The following LRRC8C variants were observed in gnomAD, a reference collection of about 807,000 sequenced individuals.
The protein encoded by LRRC8C is volume-regulated anion channel subunit LRRC8C.
Under a neutral mutation model 55.3 loss-of-function variants are expected in LRRC8C, and 20 were observed. The ratio of observed to expected loss-of-function variants is 0.36; its 90% confidence interval spans 0.25 to 0.53. The LOEUF is 0.53. LRRC8C is among the 20% of genes least tolerant of loss of function. LRRC8C has a pLI of 0.92. For synonymous variants in LRRC8C, 376 were observed against 360.7 expected (o/e 1.04, Z -0.48); for missense variants, 659 against 951.4 (o/e 0.69, Z 4.04).
intron 1 of LRRC8C, among the ~76,000 whole-genome samples, chr1:89,649,432 C>G (rs1465921001): frequency 1.3e-5 from 2 of 152,112 alleles, no homozygotes; most frequent in Non-Finnish European, 2.9e-5. Context: ...GTTCTTGTTC[C>G]TTATCCCTAG....
chr1:89,643,307 T>C (rs1656520560), intron 1 of LRRC8C, among the ~76,000 whole-genome samples: 2 of 152,172 alleles, frequency 1.3e-5, no homozygotes, highest in African/African-American at 4.8e-5. Flanking sequence ...GTTCTCAAAC[T>C]CCAGAGCTCA....
At position 89,719,259 on chromosome 1, in the gene LRRC8C, A is replaced by G. The variant is rs1022754685; in HGVS notation, c.*4277A>G. 6.6e-6 allele frequency: 1 copy of G among 152,162 alleles called. No homozygotes were observed. The highest frequency in any genetic ancestry group is 1.5e-5 in the Non-Finnish European group (1 of 68,038). 9.4% of individuals were successfully genotyped at this position (152,162 alleles called of 1,614,324 possible). ...GAGGTAAATTTGTTTCTTTCTTCAG[A>G]ATACCTCTCTCCACCCCCCACCTTA... On this transcript the variant is annotated 3_prime_UTR_variant, in exon 3 of 3. Coordinates refer to ENST00000370454, the MANE Select transcript of LRRC8C (RefSeq NM_032270.5).
intron 1 of LRRC8C, among the ~76,000 whole-genome samples, chr1:89,665,514 TATA>T (rs1657235160): frequency 6.6e-6 from 1 of 152,132 alleles, no homozygotes; most frequent in Non-Finnish European, 1.5e-5. Context: ...AAAAGCAAAA[TATA>T]ATAATTTAAT....
the LRRC8C span, among the ~76,000 whole-genome samples, chr1:89,620,597 A>T: frequency 7.3e-6 from 1 of 137,178 alleles, no homozygotes; most frequent in Non-Finnish European, 1.6e-5. Flanking sequence ...AAAAAAAAAA[A>T]ATAGGCGATT....
rs528168383 is a variant in LRRC8C, at chr1:89,681,879, C to T, written c.-4-4591C>T. On this transcript the variant is annotated intron_variant, in intron 1 of 2. Transcript: ENST00000370454. ...AGACATGTAGACATACATGCACATA[C>T]GCATTTACTCAAAAAAATTTAAATG... Among the ~76,000 whole-genome samples, 159 of 152,218 alleles carry T rather than the reference C, an allele frequency of 1.0e-3. 1 individual carries two copies. Among genetic ancestry groups the T allele is most frequent in the African/African-American group, 3.3e-3 (139 of 41,532 alleles).
At chr1:89,630,623 T>G (rs1656082938), upstream of LRRC8C, among the ~76,000 whole-genome samples, 1 of 152,258 alleles carries the variant, frequency 6.6e-6, no homozygotes, top group African/African-American at 2.4e-5. Context: ...GGAGATGTGC[T>G]GAACTTCAAG....
intron 2 of LRRC8C, among the ~76,000 whole-genome samples, chr1:89,688,670 CAGA>C (rs1168120257): frequency 6.6e-6 from 1 of 152,174 alleles, no homozygotes; most frequent in Non-Finnish European, 1.5e-5. Flanking sequence ...TCCTTTTCTG[CAGA>C]AGAATTGGAT....
At chr1:89,640,245 A>G (rs1656417055) in intron 1 of LRRC8C, among the ~76,000 whole-genome samples, 1 of 152,158 alleles carries the variant, frequency 6.6e-6, no homozygotes. Context: ...TTGTATTTTT[A>G]GTAGAGACAC....
chr1:89,620,103 G>T, the LRRC8C span, among the ~76,000 whole-genome samples: 1 of 152,270 alleles, frequency 6.6e-6, no homozygotes, highest in Non-Finnish European at 1.5e-5. Context: ...GGCTGGTAAG[G>T]GCTTCTCTGC....
intron 2 of LRRC8C, among the ~76,000 whole-genome samples, chr1:89,689,118 C>CTAATCTG (rs1426664644): frequency 1.3e-5 from 2 of 152,158 alleles, no homozygotes; most frequent in Non-Finnish European, 2.9e-5. Flanking sequence ...GCTGGTGACT[C>CTAATCTG]TAATCTGTGT....
At chr1:89,691,553 G>A (rs1412591673) in intron 2 of LRRC8C, among the ~76,000 whole-genome samples, 1 of 152,176 alleles carries the variant, frequency 6.6e-6, no homozygotes, top group Non-Finnish European at 1.5e-5. Flanking sequence ...AGTAACACTG[G>A]CAAGAGAACC....
chr1:89,665,104 A>G (rs957352059), intron 1 of LRRC8C, among the ~76,000 whole-genome samples: 1 of 152,264 alleles, frequency 6.6e-6, no homozygotes, highest in East Asian at 1.9e-4. Flanking sequence ...CTCTCTTCCT[A>G]TTTGAATATC....
At chr1:89,680,191 T>C (rs1003069280) in intron 1 of LRRC8C, among the ~76,000 whole-genome samples, 4 of 151,854 alleles carry the variant, frequency 2.6e-5, no homozygotes, top group South Asian at 2.1e-4. Context: ...CATTCTCCTG[T>C]CTCAGCCTCC....
chr1:89,696,029 A>T (rs573559713), intron 2 of LRRC8C, among the ~76,000 whole-genome samples: 33 of 152,344 alleles, frequency 2.2e-4, no homozygotes, highest in South Asian at 8.3e-4. Context: ...AAAACAAAAC[A>T]AAAAACTGCC....
At chr1:89,709,697 T>C (rs942567625) in intron 2 of LRRC8C, among the ~76,000 whole-genome samples, 1 of 152,062 alleles carries the variant, frequency 6.6e-6, no homozygotes, top group African/African-American at 2.4e-5. Flanking sequence ...TGCTTTTACC[T>C]GATTCCTCTG....
intron 2 of LRRC8C, among the ~76,000 whole-genome samples, chr1:89,710,727 T>C (rs1007345830): frequency 3.9e-5 from 6 of 152,198 alleles, no homozygotes; most frequent in Non-Finnish European, 7.3e-5. Flanking sequence ...TCCCGCAGCC[T>C]CATTTCTTGT....
intron 1 of LRRC8C, among the ~76,000 whole-genome samples, chr1:89,656,637 T>G (rs543845813): frequency 8.7e-4 from 132 of 152,276 alleles, no homozygotes; most frequent in African/African-American, 3.1e-3. Flanking sequence ...TTACAGATAA[T>G]TGATTGGGAG....
the LRRC8C span, among the ~76,000 whole-genome samples, chr1:89,621,579 T>C: frequency 6.6e-6 from 1 of 152,166 alleles, no homozygotes; most frequent in Non-Finnish European, 1.5e-5. Context: ...AGGAAAAGTA[T>C]TGTGATGTGA....
intron 2 of LRRC8C, among the ~76,000 whole-genome samples, chr1:89,700,674 G>A (rs1250854015): frequency 6.6e-6 from 1 of 152,172 alleles, no homozygotes; most frequent in East Asian, 1.9e-4. Context: ...TGTTCCGTCA[G>A]ACTGGGGGCA....
Sources: allele counts gnomAD v4.1 joint callset (sites outside exome capture counted in the v4.1 genomes callset), GRCh38; gene constraint gnomAD v4.1.1; transcripts MANE v1.5; gene names NCBI Gene and HGNC (gene_info 2026-07-23, HGNC 2026-07-21).